The following ADGRV1 variants were observed in gnomAD, a reference collection of about 807,000 sequenced individuals.
ADGRV1 encodes adhesion G protein-coupled receptor V1.
In ADGRV1, 359 loss-of-function variants were observed where a neutral mutation model predicts 596.2. The ratio of observed to expected loss-of-function variants is 0.60; its 90% CI spans 0.55 to 0.66. ADGRV1 has a LOEUF of 0.66. ADGRV1 is among the 30% of genes least tolerant of loss of function. The pLI, the probability that ADGRV1 is intolerant of heterozygous loss-of-function variation, is 0.00. For synonymous variants in ADGRV1, 2,681 were observed against 2,679.2 expected (o/e 1.00, Z -0.02); for missense variants, 7,274 against 7,575.6 (o/e 0.96, Z 1.48).
intron 76 of ADGRV1, 63 bp from the exon 77 acceptor site, chr5:90,828,881 A>G (rs985193547): frequency 2.3e-5 from 24 of 1,042,654 alleles, no homozygotes; most frequent in Non-Finnish European, 3.2e-5. Context: ...TAAATATCAG[A>G]ACTATCTACA....
intron 85 of ADGRV1, among the ~76,000 whole-genome samples, chr5:91,050,151 T>G (rs959533530): frequency 6.6e-6 from 1 of 152,232 alleles, no homozygotes; most frequent in Non-Finnish European, 1.5e-5. Context: ...CTTTTCCAGT[T>G]GGATAAGGTA....
At chr5:90,922,328 A>G (rs1395448711) in intron 83 of ADGRV1, among the ~76,000 whole-genome samples, 4 of 152,156 alleles carry the variant, frequency 2.6e-5, no homozygotes, top group Admixed American at 2.0e-4. Context: ...TAAGAAGTCC[A>G]GTATCTCTCT....
chr5:90,929,402 C>T (rs1023696339), intron 83 of ADGRV1: 7 of 153,188 alleles, frequency 4.6e-5, no homozygotes, highest in African/African-American at 7.2e-5. Context: ...TTTCCAGGTG[C>T]GTCCGTCACC....
chr5:91,105,799 A>G (rs1211150129), intron 87 of ADGRV1, among the ~76,000 whole-genome samples: 1 of 152,128 alleles, frequency 6.6e-6, no homozygotes, highest in Admixed American at 6.5e-5. Context: ...TGCTGTGCAG[A>G]GGCTTTTTAG....
At chr5:90,959,656 A>G (rs1241715009) in intron 83 of ADGRV1, among the ~76,000 whole-genome samples, 1 of 151,822 alleles carries the variant, frequency 6.6e-6, no homozygotes, top group Non-Finnish European at 1.5e-5. Flanking sequence ...ACTCCCACAT[A>G]TATAGGCAAG....
intron 1 of ADGRV1, among the ~76,000 whole-genome samples, chr5:90,561,368 A>C (rs1754808613): frequency 6.6e-6 from 1 of 152,276 alleles, no homozygotes; most frequent in East Asian, 1.9e-4. Flanking sequence ...AGACGCACTT[A>C]AGGCCACATA....
chr5:90,668,295 C>T (rs1258390211), intron 21 of ADGRV1, among the ~76,000 whole-genome samples: 1 of 152,086 alleles, frequency 6.6e-6, no homozygotes, highest in Non-Finnish European at 1.5e-5. Context: ...GAGCCAGGTG[C>T]GGGGTATAAT....
intron 34 of ADGRV1, among the ~76,000 whole-genome samples, chr5:90,702,944 G>A (rs1172731280): frequency 1.3e-5 from 2 of 151,934 alleles, no homozygotes; most frequent in Non-Finnish European, 2.9e-5. Flanking sequence ...AAGTCATATG[G>A]CCATTAGCAC....
rs7724806 is a variant in ADGRV1 at position 90,725,874 on chromosome 5, C to T, written c.10161+218C>T. Among the ~76,000 whole-genome samples the T allele has an allele frequency of 0.72, 109,046 of 151,994 alleles. 39,715 individuals carry two copies. Among genetic ancestry groups the T allele is most frequent in the African/African-American group, 0.83 (34,382 of 41,496 alleles). On this transcript the variant is annotated intron_variant, in intron 48 of 89. Coordinates refer to ENST00000405460, the MANE Select transcript of ADGRV1 (RefSeq NM_032119.4). ...TCTTCAAGAGCCAAGGATAATGTAA[C>T]AATAAAAATGAACATTTAATTAGAA... is the stretch of plus-strand genomic sequence containing the variant.
At chr5:90,852,611 G>C (rs1766639767) in intron 79 of ADGRV1, among the ~76,000 whole-genome samples, 1 of 152,144 alleles carries the variant, frequency 6.6e-6, no homozygotes, top group Non-Finnish European at 1.5e-5. Flanking sequence ...GTAAATCTGT[G>C]ATGTAATCTA....
At chr5:91,149,229 C>A (rs1020407141) in intron 87 of ADGRV1, among the ~76,000 whole-genome samples, 1 of 152,042 alleles carries the variant, frequency 6.6e-6, no homozygotes, top group Non-Finnish European at 1.5e-5. Flanking sequence ...TGCCCAGGGG[C>A]GGAATGATAT....
chr5:91,072,357 G>T, intron 85 of ADGRV1, 90 bp from the exon 86 acceptor site: 1 of 1,138,666 alleles, frequency 8.8e-7, no homozygotes, highest in East Asian at 2.4e-5. Context: ...GATACAAAGA[G>T]CTAGTATAAA....
intron 85 of ADGRV1, among the ~76,000 whole-genome samples, chr5:91,065,232 G>T (rs571707671): frequency 2.0e-5 from 3 of 152,228 alleles, no homozygotes; most frequent in African/African-American, 7.2e-5. Flanking sequence ...AGTGACAAAT[G>T]TATCTTTTAA....
intron 83 of ADGRV1, among the ~76,000 whole-genome samples, chr5:90,933,410 A>G (rs1183025971): frequency 3.3e-5 from 5 of 152,216 alleles, no homozygotes; most frequent in Admixed American, 1.3e-4. Context: ...AAAGCTATGC[A>G]TGTAGCTGGG....
chr5:90,762,917 G>A (rs1756661713), intron 58 of ADGRV1: 1 of 156,452 alleles, frequency 6.4e-6, no homozygotes, highest in Non-Finnish European at 1.4e-5. Context: ...CCTAGACTCT[G>A]TCCATCTTGG....
chr5:90,969,951 C>A (rs1052618472), intron 84 of ADGRV1, among the ~76,000 whole-genome samples: 1 of 152,212 alleles, frequency 6.6e-6, no homozygotes, highest in African/African-American at 2.4e-5. Context: ...GAAGTGCAAG[C>A]GATCAGGGAA....
At chr5:91,074,163 CTTCT>C (rs201367819) in intron 86 of ADGRV1, among the ~76,000 whole-genome samples, 1,544 of 152,094 alleles carry the variant, frequency 0.01, 14 homozygotes, top group Middle Eastern at 0.027. Flanking sequence ...AAAAATGTAA[CTTCT>C]TTCTTTTTAC....
chr5:90,814,427 C>A (rs1762714933), intron 74 of ADGRV1, among the ~76,000 whole-genome samples: 1 of 152,098 alleles, frequency 6.6e-6, no homozygotes, highest in Non-Finnish European at 1.5e-5. Context: ...GTGATGGGTA[C>A]ACATGATAAT....
chr5:90,974,495 A>C (rs1779369704), intron 84 of ADGRV1, among the ~76,000 whole-genome samples: 1 of 152,196 alleles, frequency 6.6e-6, no homozygotes, highest in South Asian at 2.1e-4. Context: ...CTGGTACCAA[A>C]ACAGAGATAT....
Sources: allele counts gnomAD v4.1 joint callset (sites outside exome capture counted in the v4.1 genomes callset), GRCh38; gene constraint gnomAD v4.1.1; transcripts MANE v1.5; gene names NCBI Gene and HGNC (gene_info 2026-07-23, HGNC 2026-07-21).